The following USP6 variants were observed in gnomAD, a reference collection of about 807,000 sequenced individuals.
USP6 encodes the protein ubiquitin specific peptidase 6.
A neutral mutation model predicts 175.7 loss-of-function variants in USP6; 128 were observed. That is an observed-to-expected ratio of 0.73 (90% CI 0.63 to 0.84). USP6 has a LOEUF of 0.84. USP6 is among the 40% of genes least tolerant of loss of function. The pLI, the probability that USP6 is intolerant of heterozygous loss-of-function variation, is 0.00. For missense variants in USP6, 1,498 were observed against 1,760.3 expected (o/e 0.85, Z 2.67); for synonymous variants, 562 against 630.6 (o/e 0.89, Z 1.63).
At position 5,142,036 on chromosome 17, in the gene USP6, A is replaced by C. The variant is rs751531041; in HGVS notation, c.1607A>C (p.Asn536Thr). ...GAAAAGGGAGCCACAGGTCTAAGCA[A>C]CCTGGGAAACACATGCTTCATGAAC... ...PTEKGATGLS[N>T]LGNTCFMNSS... Residue 536 changes from asparagine (N) to threonine (T), a missense_variant, in exon 24 of 38, where the codon AAC becomes ACC. By Grantham distance (65) the Asn-to-Thr change is moderately conservative. Transcript: ENST00000574788. 4.5e-5 allele frequency: 73 copies of C among 1,613,750 alleles called. No homozygotes were observed. In the Middle Eastern group the frequency reaches 1.5e-3, roughly 33 times the overall value.
rs2074257570 is a variant in USP6 at position 5,172,865 on chromosome 17, G to A, written c.4108G>A (p.Gly1370Arg). 1.2e-6 allele frequency: 2 copies of A among 1,613,946 alleles called. No individual in the cohort carries two copies. The highest frequency in any genetic ancestry group is 8.5e-7 in the Non-Finnish European group (1 of 1,179,874). Reference protein sequence around the residue: ...SAYILFYEQQGIDYAQFLPKI... With the variant: ...SAYILFYEQQRIDYAQFLPKI... ...CTACATTCTTTTCTATGAGCAGCAGGGGATAGACTACGCACAATTTCTGCC... is the reference window on the plus strand; with the variant it reads ...CTACATTCTTTTCTATGAGCAGCAGAGGATAGACTACGCACAATTTCTGCC... The change falls in exon 38 of 38, where the codon GGG (glycine) becomes AGG (arginine). Residue 1370 changes from glycine (G) to arginine (R), a missense_variant. Gly to Arg is a moderately radical substitution (Grantham distance 125). This residue lies in a region of USP6 where 1,217 missense variants were observed against 1,500.8 expected (regional missense o/e 0.81). Transcript: ENST00000574788.
Position 5,132,169 on chromosome 17 carries a change from C to T in USP6, c.156-227C>T. ...TGACCACCCCCCATGCCAGGGGCCC[C>T]AGTAACCCCAGCCAGGCTGTCCCTG... On this transcript the variant is annotated intron_variant, in intron 11 of 37. Coordinates refer to ENST00000574788, the MANE Select transcript of USP6 (RefSeq NM_001304284.2). The surrounding 1 kb of genome is among the most constrained non-coding windows in gnomAD (Gnocchi z 4.7). 1.3e-6 allele frequency: 2 copies of T among 1,504,254 alleles called. No individual in the cohort carries two copies. The highest frequency in any genetic ancestry group is 2.4e-5 in the South Asian group (2 of 81,774). The allele number at this position is 1,504,254 out of a possible 1,614,324, so 93.2% of individuals were successfully genotyped here.
In USP6 at chr17:5,132,474, T is replaced by C; in HGVS notation, c.195+39T>C. Reference sequence around the variant, plus strand: ...GCGTGGAGGGGCTGGTCCAGGGACGTAGGGACTGGGCGGGTGGTCAGTGAG... The same window carrying C: ...GCGTGGAGGGGCTGGTCCAGGGACGCAGGGACTGGGCGGGTGGTCAGTGAG... On this transcript the variant is annotated intron_variant, in intron 12 of 37. Coordinates refer to ENST00000574788, the MANE Select transcript of USP6 (RefSeq NM_001304284.2). The surrounding 1 kb of genome is among the most constrained non-coding windows in gnomAD (Gnocchi z 4.7). 6.2e-7 allele frequency: 1 copy of C among 1,611,894 alleles called. No homozygotes were observed. Among genetic ancestry groups the C allele is most frequent in the Non-Finnish European group, 8.5e-7 (1 of 1,179,804 alleles).
rs2072535618 is a variant in USP6 at position 5,116,281 on chromosome 17, GCGGCCCCCCTCACCACTCC to G, written c.-2379_-2361del. Among the ~76,000 whole-genome samples, 2 of 151,916 alleles carry G rather than the reference GCGGCCCCCCTCACCACTCC, an allele frequency of 1.3e-5. No homozygotes were observed. Among genetic ancestry groups the G allele is most frequent in the Admixed American group, 6.6e-5 (1 of 15,260 alleles). Reference sequence around the variant, plus strand: ...GACGCCACTCCCGGCCCCGCTCCGGGCGGCCCCCCTCACCACTCCCGGCCCCGCTCCCGGCGGCCCGCCT... The same window carrying G: ...GACGCCACTCCCGGCCCCGCTCCGGGCGGCCCCGCTCCCGGCGGCCCGCCT... On this transcript the variant is annotated 5_prime_UTR_variant, in exon 1 of 38. It removes the in-frame stop codon of an upstream open reading frame in the 5' UTR. Transcript: ENST00000574788.
intron 21 of USP6, chr17:5,138,928 A>C: frequency 8.0e-7 from 1 of 1,243,960 alleles, no homozygotes; most frequent in Non-Finnish European, 1.1e-6. Flanking sequence ...GGTGACATCC[A>C]AGGCCCCTCC....
chr17:5,121,828 A>C (rs1402204562), intron 4 of USP6, 78 bp downstream of exon 4: 2 of 153,042 alleles, frequency 1.3e-5, no homozygotes, highest in African/African-American at 4.8e-5. Context: ...TCTGAGCACC[A>C]GTGAAGTTCA....
chr17:5,157,485 T>G (rs1433307715), intron 31 of USP6, among the ~76,000 whole-genome samples: 1 of 152,198 alleles, frequency 6.6e-6, no homozygotes, highest in Non-Finnish European at 1.5e-5. Context: ...TAATGAATGT[T>G]TTGTTTAGTA....
At chr17:5,171,250 G>A (rs1316209341) in intron 36 of USP6, among the ~76,000 whole-genome samples, 2 of 152,112 alleles carry the variant, frequency 1.3e-5, no homozygotes, top group African/African-American at 4.8e-5. Context: ...TGAGGCAGAA[G>A]GATCACCTGA....
intron 31 of USP6, among the ~76,000 whole-genome samples, chr17:5,155,895 A>G (rs2073873582): frequency 6.6e-6 from 1 of 152,112 alleles, no homozygotes; most frequent in Non-Finnish European, 1.5e-5. Flanking sequence ...CCATTCTCTA[A>G]TCTTTTGCCT....
At chr17:5,139,773 C>A (rs994954234) in intron 22 of USP6, 99 bp downstream of exon 22, 25 of 1,595,518 alleles carry the variant, frequency 1.6e-5, no homozygotes, top group Non-Finnish European at 2.0e-5. Context: ...ACCTCCTTTG[C>A]AGCTAGGGAC....
intron 30 of USP6, among the ~76,000 whole-genome samples, chr17:5,152,486 G>A (rs911121183): frequency 1.3e-5 from 2 of 152,182 alleles, no homozygotes; most frequent in African/African-American, 4.8e-5. Flanking sequence ...CAAAAGATAT[G>A]TGTACCAGGA....
rs2073473937 is a variant in USP6 at position 5,142,397 on chromosome 17, G to T, written c.1713G>T (p.Arg571Ser). ...ISGRHLYELNRTNPIGMKGHM... is the reference protein window; with the variant it reads ...ISGRHLYELNSTNPIGMKGHM... ...ACAAATTTTCCTCTCAAACTTCTAG[G>T]ACAAATCCCATTGGTATGAAGGGGC... Residue 571 changes from arginine to serine, a missense_variant and splice_region_variant, in exon 25 of 38, where the codon AGG becomes AGT. Arg to Ser is a moderately radical substitution (Grantham distance 110). Transcript: ENST00000574788. 1 of 1,612,210 alleles carries T rather than the reference G, an allele frequency of 6.2e-7. No homozygotes were observed. The highest frequency in any genetic ancestry group is 2.2e-5 in the East Asian group (1 of 44,852).
intron 31 of USP6, among the ~76,000 whole-genome samples, chr17:5,160,392 C>T (rs1159843476): frequency 3.9e-5 from 6 of 152,104 alleles, no homozygotes; most frequent in Admixed American, 3.3e-4. Flanking sequence ...TTCTCCCCCA[C>T]CCCCAGCTTT....
At chr17:5,165,502 G>A (rs73331389) in intron 33 of USP6, among the ~76,000 whole-genome samples, 9,530 of 151,964 alleles carry the variant, frequency 0.063, 1,007 homozygotes, top group African/African-American at 0.22. Context: ...GATTGCTTGA[G>A]CCCAAGAGAT....
At chr17:5,164,253 T>A (rs1279202144) in intron 33 of USP6, among the ~76,000 whole-genome samples, 1 of 152,248 alleles carries the variant, frequency 6.6e-6, no homozygotes, top group Non-Finnish European at 1.5e-5. Flanking sequence ...ATTCTAGACC[T>A]AGTTTCCTAT....
intron 30 of USP6, 145 bp downstream of exon 30, chr17:5,148,912 T>G (rs2073687197): frequency 3.6e-6 from 5 of 1,392,550 alleles, no homozygotes. Context: ...ACAAATTTTA[T>G]TTTTTTACTT....
intron 21 of USP6, 184 bp from the exon 22 acceptor site, chr17:5,139,071 C>T (rs1233422839): frequency 6.3e-7 from 1 of 1,592,262 alleles, no homozygotes; most frequent in East Asian, 2.2e-5. Context: ...CAACGGCTTC[C>T]CCATGCCAGG....
In USP6 at chr17:5,171,030, G is replaced by C. The variant is rs1293665232; in HGVS notation, c.3954+115G>C. On this transcript the variant is annotated intron_variant, in intron 36 of 37. Coordinates refer to ENST00000574788, the MANE Select transcript of USP6 (RefSeq NM_001304284.2). ...TGCTAATTTCCTAGCATTGAGCTTA[G>C]TGATAGACAAAGTTAACATTGAAAT... 93 of 1,293,116 alleles carry C rather than the reference G, an allele frequency of 7.2e-5. No individual in the cohort carries two copies. In the East Asian group the frequency reaches 2.3e-3, roughly 32 times the overall value. The allele number at this position is 1,293,116 out of a possible 1,614,324, so 80.1% of individuals were successfully genotyped here.
At chr17:5,121,199 C>T (rs990406017) in intron 3 of USP6, among the ~76,000 whole-genome samples, 176 bp from the exon 4 acceptor site, 6 of 152,190 alleles carry the variant, frequency 3.9e-5, no homozygotes, top group East Asian at 1.9e-4. Flanking sequence ...TGCAAACAAC[C>T]GCAGAGCAGG....
Sources: allele counts gnomAD v4.1 joint callset (sites outside exome capture counted in the v4.1 genomes callset), GRCh38; gene constraint gnomAD v4.1.1; regional missense constraint gnomAD v4.1.1; non-coding constraint Gnocchi (gnomAD v3.1); transcripts MANE v1.5; gene names NCBI Gene and HGNC (gene_info 2026-07-23, HGNC 2026-07-21).